The following GCN1 variants were observed in gnomAD, a reference collection of about 807,000 sequenced individuals.
GCN1 encodes the protein stalled ribosome sensor GCN1.
In GCN1, 90 loss-of-function variants were observed where a neutral mutation model predicts 288.4. That is an observed-to-expected ratio of 0.31 (90% CI 0.26 to 0.37). The LOEUF is 0.37. Ranked by LOEUF, GCN1 falls within the 10% of genes least tolerant of loss-of-function variation. GCN1 has a pLI of 1.00. For synonymous variants in GCN1, 1,386 were observed against 1,420.2 expected (o/e 0.98, Z 0.54); for missense variants, 2,586 against 3,419.9 (o/e 0.76, Z 6.08).
In GCN1 at chr12:120,194,669, G is replaced by T. The variant is rs1333408325; in HGVS notation, c.18+11C>A. ...CCCTGGCCGCGTTGGCCCCGCAGCC[G>T]CCCGCCTCACCTGCGTGTCCGCCGC... On this transcript the variant is annotated intron_variant, in intron 1 of 57. Transcript: ENST00000300648. 48 of 1,513,644 alleles carry T rather than the reference G, an allele frequency of 3.2e-5. No individual in the cohort carries two copies. The highest frequency in any genetic ancestry group is 7.3e-5 in the South Asian group (6 of 82,062). The allele number at this position is 1,513,644 out of a possible 1,614,324, so 93.8% of individuals were successfully genotyped here. A position where few individuals can be genotyped will look rare whatever the true frequency, so the allele number is the denominator to read the frequency against.
At chr12:120,189,706 C>T (rs985706251) in intron 2 of GCN1, among the ~76,000 whole-genome samples, 6 of 152,082 alleles carry the variant, frequency 3.9e-5, no homozygotes, top group South Asian at 2.1e-4. Flanking sequence ...CAGCTGGGCC[C>T]AGTGGCTCGT....
intron 35 of GCN1, 61 bp from the exon 36 acceptor site, chr12:120,149,781 CA>C: frequency 6.6e-7 from 1 of 1,525,350 alleles, no homozygotes; most frequent in Non-Finnish European, 9.1e-7. Context: ...CAAGGCCTGA[CA>C]CCAGTCCTAG....
chr12:120,144,914 T>C lies in GCN1; in HGVS notation c.5155+9A>G, dbSNP rs1408020687. 1 of 1,614,202 alleles carries C rather than the reference T, an allele frequency of 6.2e-7. No homozygotes were observed. Among genetic ancestry groups the C allele is most frequent in the Admixed American group, 1.7e-5 (1 of 60,028 alleles). The stretch of plus-strand genomic sequence containing the variant: ...CCCAGGCTGGCCACTGGACCTGCTC[T>C]GGCCTTACCCTGTGCAGCGCCTGAG... On this transcript the variant is annotated intron_variant, in intron 40 of 57. Transcript: ENST00000300648. This position sits in a 1 kb window ranked among gnomAD's most constrained non-coding sequence, Gnocchi z 4.7.
At chr12:120,166,682 C>T (rs535679397) in intron 16 of GCN1, among the ~76,000 whole-genome samples, 6 of 143,984 alleles carry the variant, frequency 4.2e-5, no homozygotes, top group Admixed American at 1.4e-4. Context: ...CCAGCCTGGG[C>T]GACAGAGCGA....
At chr12:120,129,709 A>C (rs895396126) in intron 56 of GCN1, among the ~76,000 whole-genome samples, 8 of 151,548 alleles carry the variant, frequency 5.3e-5, no homozygotes, top group African/African-American at 1.9e-4. Flanking sequence ...ATGCGTTTTT[A>C]CTTCCTCCAA....
intron 31 of GCN1, among the ~76,000 whole-genome samples, chr12:120,154,668 A>G (rs1877681620): frequency 6.6e-6 from 1 of 152,256 alleles, no homozygotes; most frequent in African/African-American, 2.4e-5. Context: ...AGGACACTCT[A>G]AGGAACTTAC....
intron 15 of GCN1, among the ~76,000 whole-genome samples, chr12:120,169,526 C>G (rs983190719): frequency 3.3e-5 from 5 of 152,102 alleles, no homozygotes; most frequent in African/African-American, 1.2e-4. Context: ...CTTTCTTAGA[C>G]AAAGTCTCAC....
rs1459866379 is a variant in GCN1 at position 120,149,802 on chromosome 12, T to C, written c.4432-82A>G. ...CTGACACCAGTCCTAGCGTTCCTCC[T>C]ATAACCAACGCTTACTGGGGTTCTA... On this transcript the variant is annotated intron_variant, in intron 35 of 57. Coordinates refer to ENST00000300648, the MANE Select transcript of GCN1 (RefSeq NM_006836.2). 4.4e-5 allele frequency: 67 copies of C among 1,530,998 alleles called. No homozygotes were observed. In the East Asian group the frequency reaches 1.1e-3, roughly 26 times the overall value. The allele number at this position is 1,530,998 out of a possible 1,614,324, so 94.8% of individuals were successfully genotyped here. A position where few individuals can be genotyped will look rare whatever the true frequency, so the allele number is the denominator to read the frequency against.
At chr12:120,160,458 AGAAGT>A (rs1031629358) in intron 22 of GCN1, among the ~76,000 whole-genome samples, 4 of 152,174 alleles carry the variant, frequency 2.6e-5, no homozygotes, top group African/African-American at 9.7e-5. Context: ...ACAGCAATAG[AGAAGT>A]AGTTGTTTTA....
chr12:120,184,697 G>A (rs762641814), intron 3 of GCN1, 127 bp downstream of exon 3: 2 of 738,384 alleles, frequency 2.7e-6, no homozygotes, highest in Admixed American at 1.9e-5. Flanking sequence ...AGGATCTAAT[G>A]GCTAGGATGT....
Position 120,173,827 on chromosome 12 carries a change from C to CTAGG in GCN1, c.1193-5_1193-2dup. On this transcript the variant is annotated splice_acceptor_variant, in intron 13 of 57. Coordinates refer to ENST00000300648, the MANE Select transcript of GCN1 (RefSeq NM_006836.2). LOFTEE classifies it high-confidence loss of function. ...GCGTGTACCAAGGTCCCTTCATGAACTAGGGCAAAAAGCAGAAGTCCAGTC... is the reference window on the plus strand; with the variant it reads ...GCGTGTACCAAGGTCCCTTCATGAACTAGGTAGGGCAAAAAGCAGAAGTCCAGTC... The CTAGG allele has an allele frequency of 6.2e-7, 1 of 1,612,490 alleles. No homozygotes were observed. The highest frequency in any genetic ancestry group is 1.3e-5 in the African/African-American group (1 of 74,954).
rs1877978443 is a variant in GCN1 at position 120,162,985 on chromosome 12, G to C, written c.2039-14C>G. On this transcript the variant is annotated splice_polypyrimidine_tract_variant and intron_variant, in intron 19 of 57. Coordinates refer to ENST00000300648, the MANE Select transcript of GCN1 (RefSeq NM_006836.2). Reference sequence around the variant, plus strand: ...ACTGCACGGCAACTGAAGGGGAAGGGAGCTCTTTGAGGCCTTCTGCCTGGC... The same window carrying C: ...ACTGCACGGCAACTGAAGGGGAAGGCAGCTCTTTGAGGCCTTCTGCCTGGC... 1 of 1,614,060 alleles carries C rather than the reference G, an allele frequency of 6.2e-7. No homozygotes were observed. The highest frequency in any genetic ancestry group is 2.2e-5 in the East Asian group (1 of 44,900).
chr12:120,137,147 G>T lies in GCN1; in HGVS notation c.6777+59C>A. ...ACCGCAGACCTGGGACAGGGGTAAGGGCCAGAAGGGCACAACAGACTGCAC... is the reference window on the plus strand; with the variant it reads ...ACCGCAGACCTGGGACAGGGGTAAGTGCCAGAAGGGCACAACAGACTGCAC... On this transcript the variant is annotated intron_variant, in intron 50 of 57. Transcript: ENST00000300648. The surrounding 1 kb of genome is among the most constrained non-coding windows in gnomAD (Gnocchi z 5.2). The T allele has an allele frequency of 7.9e-7, 1 of 1,264,458 alleles. No individual in the cohort carries two copies. Among genetic ancestry groups the T allele is most frequent in the Non-Finnish European group, 1.2e-6 (1 of 863,298 alleles). 78.3% of individuals were successfully genotyped at this position (1,264,458 alleles called of 1,614,324 possible). A position where few individuals can be genotyped will look rare whatever the true frequency, so the allele number is the denominator to read the frequency against.
At chr12:120,147,327 C>T (rs1877394484) in intron 37 of GCN1, 55 bp from the exon 38 acceptor site, 2 of 956,364 alleles carry the variant, frequency 2.1e-6, no homozygotes, top group African/African-American at 1.6e-5. Flanking sequence ...AGCTGCAAGG[C>T]CCCTGGGCCC....
Position 120,144,468 on chromosome 12 carries a change from G to A in GCN1, c.5353-20C>T, listed in dbSNP as rs1404547981. 3.7e-6 allele frequency: 6 copies of A among 1,605,652 alleles called. No individual in the cohort carries two copies. In the African/African-American group the frequency reaches 4.0e-5, roughly 11 times the overall value. ...AAGAGCCTGGGCACACAGAGGGTGG[G>A]TCAGCCAGAGCTGCCACCCCCAGGC... On this transcript the variant is annotated intron_variant, in intron 41 of 57. Coordinates refer to ENST00000300648, the MANE Select transcript of GCN1 (RefSeq NM_006836.2). This position sits in a 1 kb window ranked among gnomAD's most constrained non-coding sequence, Gnocchi z 4.7.
In GCN1 at chr12:120,144,394, G is replaced by A. The variant is rs200720150; in HGVS notation, c.5407C>T (p.Arg1803Trp). The change falls in exon 42 of 58, where the codon CGG (arginine) becomes TGG (tryptophan). Residue 1803 changes from arginine to tryptophan, a missense_variant. Arg to Trp is a moderately radical substitution (Grantham distance 101). Around this residue, in one of 8 missense-constraint regions of GCN1, gnomAD observed 371 missense variants for 572.6 expected, o/e 0.65. Coordinates refer to ENST00000300648, the MANE Select transcript of GCN1 (RefSeq NM_006836.2). The surrounding 1 kb of genome is among the most constrained non-coding windows in gnomAD (Gnocchi z 4.7). ...GTCTCAGCGTACATGGAGATAACCCGCTGGCCCGCGCGCAGGGCGGTGTCA... is the reference window on the plus strand; with the variant it reads ...GTCTCAGCGTACATGGAGATAACCCACTGGCCCGCGCGCAGGGCGGTGTCA... Reference protein sequence around the residue: ...VRDTALRAGQRVISMYAETAI... With the variant: ...VRDTALRAGQWVISMYAETAI... 11 of 1,614,144 alleles carry A rather than the reference G, an allele frequency of 6.8e-6. No homozygotes were observed. The highest frequency in any genetic ancestry group is 9.3e-6 in the Non-Finnish European group (11 of 1,179,938).
chr12:120,167,352 C>CAAAAAAAAAAAAAAAAAAAAAAA (rs58505091), intron 16 of GCN1, among the ~76,000 whole-genome samples: 1 of 73,052 alleles, frequency 1.4e-5, no homozygotes, highest in Non-Finnish European at 3.0e-5. Flanking sequence ...AACTCCATCT[C>CAAAAAAAAAAAAAAAAAAAAAAA]AAAAAAAAAA....
In GCN1 at chr12:120,176,209, T is replaced by C; in HGVS notation, c.847A>G (p.Ser283Gly). Residue 283 changes from serine to glycine, a missense_variant, in exon 10 of 58, where the codon AGT becomes GGT. Transcript: ENST00000300648. ...SPENVIETIS[S>G]LLASVTLDLS... ...TCAAGCGTCACTGATGCCAGCAGAC[T>C]AGAAATAGCTAAGGGGGACAGAAAG... is the stretch of plus-strand genomic sequence containing the variant. 6.2e-7 allele frequency: 1 copy of C among 1,604,446 alleles called. No individual in the cohort carries two copies. Among genetic ancestry groups the C allele is most frequent in the Non-Finnish European group, 8.5e-7 (1 of 1,171,182 alleles).
At position 120,138,840 on chromosome 12, in the gene GCN1, T is replaced by C. The variant is rs1196969860; in HGVS notation, c.6011A>G (p.Glu2004Gly). Residue 2004 changes from glutamate (E) to glycine (G), a missense_variant, in exon 46 of 58, where the codon GAA becomes GGA. Physicochemically the swap from Glu to Gly is moderately conservative, Grantham distance 98 (BLOSUM62 -2). Transcript: ENST00000300648. ...TSRDAVLYFS[E>G]SLVPTARKAL... Reference sequence around the variant, plus strand: ...CTTCCTTGCCGTGGGCACGAGGGATTCAGAGAAATACAGCACCTGCAATGG... The same window carrying C: ...CTTCCTTGCCGTGGGCACGAGGGATCCAGAGAAATACAGCACCTGCAATGG... 5 of 1,612,372 alleles carry C rather than the reference T, an allele frequency of 3.1e-6. No homozygotes were observed. Among genetic ancestry groups the C allele is most frequent in the Non-Finnish European group, 4.2e-6 (5 of 1,178,794 alleles).
Sources: gnomAD v4.1 joint callset for allele counts (sites outside exome capture counted in the v4.1 genomes callset) on GRCh38, gnomAD v4.1.1 for gene constraint, gnomAD v4.1.1 regional missense constraint, Gnocchi (gnomAD v3.1) non-coding constraint, MANE v1.5 for transcripts, NCBI Gene and HGNC (gene_info 2026-07-23, HGNC 2026-07-21) for gene names.